The following PCDH11X variants were observed in gnomAD, a reference collection of about 807,000 sequenced individuals.
PCDH11X encodes protocadherin-11 X-linked.
Under a neutral mutation model 53.3 loss-of-function variants are expected in PCDH11X, and 18 were observed. The observed-to-expected ratio is 0.34, with a 90% CI of 0.23 to 0.50. The LOEUF (loss-of-function observed/expected upper bound fraction) is 0.50, where lower values mean the gene tolerates loss of function less well. Among genes scored for constraint, PCDH11X ranks in the 20% least tolerant of loss-of-function variants. PCDH11X has a pLI of 0.98. For synonymous variants in PCDH11X, 279 were observed against 393.3 expected (o/e 0.71, Z 3.44); for missense variants, 570 against 1,032.4 (o/e 0.55, Z 6.14).
At chrX:92,090,611 G>A (rs1407677114) in intron 6 of PCDH11X, among the ~76,000 whole-genome samples, 2 of 110,771 alleles carry the variant, frequency 1.8e-5, no homozygotes, top group Admixed American at 9.7e-5. Flanking sequence ...TGGAGGCTAG[G>A]CCTTCAGGTT....
chrX:92,522,382 C>T (rs1212602936), intron 10 of PCDH11X, among the ~76,000 whole-genome samples: 2 of 111,208 alleles, frequency 1.8e-5, no homozygotes, highest in South Asian at 3.8e-4. Context: ...ATTGATTGTT[C>T]GCCCTCTTAT....
intron 10 of PCDH11X, among the ~76,000 whole-genome samples, chrX:92,500,910 CT>C (rs2073948869): frequency 9.1e-6 from 1 of 109,828 alleles, no homozygotes; most frequent in African/African-American, 3.3e-5. Flanking sequence ...GTGAAAAACA[CT>C]TTTAAAAAAA....
intron 10 of PCDH11X, among the ~76,000 whole-genome samples, chrX:92,535,387 C>A (rs1396182215): frequency 9.0e-6 from 1 of 110,925 alleles, no homozygotes; most frequent in Non-Finnish European, 1.9e-5. Context: ...CAGATGAAGC[C>A]GGAGGCCATT....
At chrX:91,852,740 A>G (rs1938102151) in intron 5 of PCDH11X, among the ~76,000 whole-genome samples, 1 of 110,936 alleles carries the variant, frequency 9.0e-6, no homozygotes, top group Admixed American at 9.6e-5. Context: ...TCTACCAAAT[A>G]GATCTTAGTG....
intron 6 of PCDH11X, among the ~76,000 whole-genome samples, chrX:92,120,121 A>C (rs2064724467): frequency 9.3e-6 from 1 of 107,292 alleles, no homozygotes; most frequent in Admixed American, 1.0e-4. Flanking sequence ...GATGACTTGT[A>C]GAATGGAATG....
chrX:91,906,751 T>G (rs1360612213), intron 6 of PCDH11X, among the ~76,000 whole-genome samples: 1 of 111,643 alleles, frequency 9.0e-6, no homozygotes, highest in African/African-American at 3.3e-5. Context: ...CCAGCTTGGT[T>G]TCAGCACATA....
At chrX:91,828,043 G>T (rs190339872) in intron 4 of PCDH11X, among the ~76,000 whole-genome samples, 3 of 109,696 alleles carry the variant, frequency 2.7e-5, no homozygotes, top group African/African-American at 1.0e-4. Context: ...CCATTTTAAT[G>T]GTATTTATTC....
intron 6 of PCDH11X, among the ~76,000 whole-genome samples, chrX:92,032,205 G>C: frequency 9.0e-6 from 1 of 110,616 alleles, no homozygotes; most frequent in Middle Eastern, 4.7e-3. Flanking sequence ...TCAGTTCTTC[G>C]GTTAGGTTAA....
chrX:92,355,417 C>CAAAAAAAAAAAAAA (rs57339128), intron 8 of PCDH11X, among the ~76,000 whole-genome samples: 4 of 23,589 alleles, frequency 1.7e-4, no homozygotes, highest in African/African-American at 8.3e-4. Flanking sequence ...GACTCCGTCT[C>CAAAAAAAAAAAAAA]AAAAAAAAAA....
At chrX:91,849,619 C>A (rs991162928) in intron 5 of PCDH11X, among the ~76,000 whole-genome samples, 1 of 109,853 alleles carries the variant, frequency 9.1e-6, no homozygotes, top group African/African-American at 3.3e-5. Context: ...AAATGTTTAC[C>A]AGTCTACTAT....
chrX:92,392,083 C>A (rs1157098567), intron 9 of PCDH11X, among the ~76,000 whole-genome samples: 1 of 110,863 alleles, frequency 9.0e-6, no homozygotes, highest in Non-Finnish European at 1.9e-5. Context: ...TGAAGTCACT[C>A]TATCTGAAAA....
At chrX:92,551,901 G>T (rs1159879420) in intron 10 of PCDH11X, among the ~76,000 whole-genome samples, 1 of 102,611 alleles carries the variant, frequency 9.7e-6, no homozygotes, top group Non-Finnish European at 2.0e-5. Flanking sequence ...TGTTCCATTG[G>T]TCTATGTGTC....
intron 8 of PCDH11X, among the ~76,000 whole-genome samples, chrX:92,275,103 T>C (rs1241500311): frequency 5.0e-5 from 5 of 99,823 alleles, no homozygotes; most frequent in African/African-American, 1.8e-4. Context: ...GAGTTGAGCA[T>C]AGTTTGTGAT....
chrX:92,469,513 A>C (rs1175669877), intron 10 of PCDH11X, among the ~76,000 whole-genome samples: 1 of 111,477 alleles, frequency 9.0e-6, no homozygotes, highest in East Asian at 2.8e-4. Context: ...TGTTCTAGTA[A>C]TTTCATAGTT....
At chrX:92,527,532 C>G (rs1020471409) in intron 10 of PCDH11X, among the ~76,000 whole-genome samples, 2 of 111,032 alleles carry the variant, frequency 1.8e-5, no homozygotes, top group African/African-American at 6.5e-5. Context: ...GTATTATTAA[C>G]ATATCTTTAG....
At chrX:92,342,884 G>C (rs1274697355) in intron 8 of PCDH11X, among the ~76,000 whole-genome samples, 2 of 111,625 alleles carry the variant, frequency 1.8e-5, no homozygotes, top group Non-Finnish European at 3.8e-5. Flanking sequence ...AAAGAGAAAA[G>C]AATATGTGAA....
At chrX:92,072,284 C>G (rs1313893327) in intron 6 of PCDH11X, among the ~76,000 whole-genome samples, 1 of 110,812 alleles carries the variant, frequency 9.0e-6, no homozygotes, top group African/African-American at 3.3e-5. Flanking sequence ...TTGCTCTACC[C>G]CACTGTGGCC....
chrX:92,222,017 A>G (rs1244332835), intron 7 of PCDH11X, among the ~76,000 whole-genome samples: 1 of 111,195 alleles, frequency 9.0e-6, no homozygotes, highest in African/African-American at 3.3e-5. Flanking sequence ...TATTTTTAGT[A>G]GAGATGGGGT....
intron 8 of PCDH11X, among the ~76,000 whole-genome samples, chrX:92,263,531 T>TGATATTTGA (rs1465745570): frequency 8.9e-6 from 1 of 111,892 alleles, no homozygotes; most frequent in Non-Finnish European, 1.9e-5. Context: ...ATATAAATCA[T>TGATATTTGA]GATATTTGAT....
Sources: gnomAD v4.1 joint callset for allele counts (sites outside exome capture counted in the v4.1 genomes callset) on GRCh38, gnomAD v4.1.1 for gene constraint, MANE v1.5 for transcripts, NCBI Gene and HGNC (gene_info 2026-07-23, HGNC 2026-07-21) for gene names.